GPATCH2: variants seen among roughly 807,000 people sequenced by gnomAD.
The protein encoded by GPATCH2 is G-patch domain containing 2.
Under a neutral mutation model 58.0 loss-of-function variants are expected in GPATCH2, and 51 were observed. That is an observed-to-expected ratio of 0.88 (90% CI 0.70 to 1.11). GPATCH2 has a LOEUF of 1.11. GPATCH2 is among the 50% of genes most tolerant of loss of function. GPATCH2 has a pLI of 0.00. For missense variants in GPATCH2, 625 were observed against 652.2 expected (o/e 0.96, Z 0.45); for synonymous variants, 222 against 218.5 (o/e 1.02, Z -0.14).
chr1:217,495,138 C>A (rs1467516105), intron 7 of GPATCH2: 2 of 297,108 alleles, frequency 6.7e-6, no homozygotes, highest in Non-Finnish European at 1.0e-5. Flanking sequence ...AAGTAAAAAA[C>A]CTAGGTACAA....
intron 5 of GPATCH2, among the ~76,000 whole-genome samples, chr1:217,515,533 C>T (rs1235981240): frequency 6.6e-6 from 1 of 151,956 alleles, no homozygotes; most frequent in Non-Finnish European, 1.5e-5. Context: ...CACGGTGAAA[C>T]CCCATCTCTA....
intron 1 of GPATCH2, among the ~76,000 whole-genome samples, chr1:217,627,440 G>A (rs1286474477): frequency 1.3e-5 from 2 of 151,656 alleles, no homozygotes; most frequent in African/African-American, 4.8e-5. Flanking sequence ...AGACTCTATG[G>A]AGCTAAAAAA....
intron 5 of GPATCH2, among the ~76,000 whole-genome samples, chr1:217,571,703 CAA>C (rs11463536): frequency 1.1e-4 from 8 of 73,804 alleles, no homozygotes; most frequent in Admixed American, 1.8e-4. Flanking sequence ...AAAACGAAAC[CAA>C]AAAAAAAAAA....
chr1:217,530,355 T>A (rs998771327), intron 5 of GPATCH2, among the ~76,000 whole-genome samples: 1 of 152,238 alleles, frequency 6.6e-6, no homozygotes, highest in Non-Finnish European at 1.5e-5. Context: ...TAATAGTACC[T>A]ATTTCATTGC....
At chr1:217,433,384 ATTTATTTATTTATTTATT>A (rs1658647177) in intron 9 of GPATCH2, among the ~76,000 whole-genome samples, 1 of 30,328 alleles carries the variant, frequency 3.3e-5, no homozygotes, top group African/African-American at 9.8e-5. Context: ...ATATATATAT[ATTTATTTATTTATTTATT>A]TATTTATTTA....
chr1:217,604,791 C>T (rs1211467368), intron 5 of GPATCH2, among the ~76,000 whole-genome samples: 2 of 151,778 alleles, frequency 1.3e-5, no homozygotes, highest in African/African-American at 4.8e-5. Context: ...TTTGGGAGGC[C>T]GAGGCCAGTG....
intron 8 of GPATCH2, among the ~76,000 whole-genome samples, chr1:217,477,216 T>A (rs1450748615): frequency 6.6e-6 from 1 of 151,948 alleles, no homozygotes. Flanking sequence ...TTGGGCCCTG[T>A]ATAACAAGCA....
In GPATCH2 at chr1:217,466,231, T is replaced by C. The variant is rs571673747; in HGVS notation, c.1278-16894A>G. The stretch of plus-strand genomic sequence containing the variant: ...TTTGTGGTAATCATTAAAAATATAT[T>C]TACGTATAGAACTAAAACTGAATGG... On this transcript the variant is annotated intron_variant, in intron 8 of 9. Transcript: ENST00000366935. Among the ~76,000 whole-genome samples the C allele has an allele frequency of 5.9e-5, 9 of 151,994 alleles. No individual in the cohort carries two copies. The East Asian group carries it at 1.7e-3, about 29-fold the overall frequency.
rs577359459 is a variant in GPATCH2, at chr1:217,515,437, C to T, written c.1099-548G>A. On this transcript the variant is annotated intron_variant, in intron 5 of 9. Transcript: ENST00000366935. The stretch of plus-strand genomic sequence containing the variant: ...AAGACTATTTTAAAAGAATCTTGGC[C>T]GGGCACAGTGGCTTACGCCTGTAAT... Among the ~76,000 whole-genome samples, 9 of 152,168 alleles carry T rather than the reference C, an allele frequency of 5.9e-5. No homozygotes were observed. The South Asian group carries it at 1.7e-3, about 28-fold the overall frequency.
At chr1:217,618,963 G>GAAA (rs139260019) in intron 2 of GPATCH2, among the ~76,000 whole-genome samples, 1 of 138,082 alleles carries the variant, frequency 7.2e-6, no homozygotes. Context: ...TCTCTATCTC[G>GAAA]AAAAAAAAAA....
At chr1:217,439,590 T>G (rs1026896456) in intron 9 of GPATCH2, among the ~76,000 whole-genome samples, 1 of 152,118 alleles carries the variant, frequency 6.6e-6, no homozygotes, top group Non-Finnish European at 1.5e-5. Flanking sequence ...GCTGGTTGTT[T>G]GAAAACATTA....
At chr1:217,592,146 T>C (rs1160266265) in intron 5 of GPATCH2, among the ~76,000 whole-genome samples, 1 of 152,032 alleles carries the variant, frequency 6.6e-6, no homozygotes, top group Non-Finnish European at 1.5e-5. Flanking sequence ...TAATTAATTC[T>C]ACTCCGTCTA....
At chr1:217,628,772 A>G (rs1669583908) in intron 1 of GPATCH2, among the ~76,000 whole-genome samples, 1 of 152,016 alleles carries the variant, frequency 6.6e-6, no homozygotes, top group Non-Finnish European at 1.5e-5. Context: ...AGCAACGTCC[A>G]CACTGGAGAA....
chr1:217,484,644 TATATACACAC>T (rs1189806776), intron 8 of GPATCH2, among the ~76,000 whole-genome samples: 1 of 149,178 alleles, frequency 6.7e-6, no homozygotes, highest in African/African-American at 2.4e-5. Flanking sequence ...CGTGTATACA[TATATACACAC>T]ATATACTTAT....
intron 5 of GPATCH2, among the ~76,000 whole-genome samples, chr1:217,602,068 C>G (rs894379577): frequency 6.6e-6 from 1 of 152,100 alleles, no homozygotes; most frequent in Non-Finnish European, 1.5e-5. Flanking sequence ...TGGATCTTAG[C>G]CTCCTGATAT....
chr1:217,566,147 A>T (rs1173161947), intron 5 of GPATCH2, among the ~76,000 whole-genome samples: 1 of 149,506 alleles, frequency 6.7e-6, no homozygotes, highest in Non-Finnish European at 1.5e-5. Context: ...ATAAAATAAG[A>T]TGAAAAAGCA....
At chr1:217,509,453 T>C (rs1042455055) in intron 6 of GPATCH2, among the ~76,000 whole-genome samples, 13 of 152,132 alleles carry the variant, frequency 8.5e-5, no homozygotes, top group African/African-American at 2.9e-4. Flanking sequence ...AATCCCATCA[T>C]CCAGTGATGA....
Position 217,616,712 on chromosome 1 carries a change from A to G in GPATCH2, c.774-2510T>C, listed in dbSNP as rs537160118. On this transcript the variant is annotated intron_variant, in intron 2 of 9. Transcript: ENST00000366935. ...GACAGTCATTACGGCTTATCTCCAA[A>G]GACACCCTTTCCTTGGAGATTCACC... 3.2e-4 allele frequency among the ~76,000 whole-genome samples: 48 copies of G among 152,288 alleles called. 1 individual carries two copies. Among genetic ancestry groups the G allele is most frequent in the African/African-American group, 9.9e-4 (41 of 41,574 alleles).
chr1:217,564,883 C>T (rs1666135693), intron 5 of GPATCH2, among the ~76,000 whole-genome samples: 1 of 152,028 alleles, frequency 6.6e-6, no homozygotes. Context: ...ATATCATAGT[C>T]TAAAAAAAAT....
Sources: gnomAD v4.1 joint callset for allele counts (sites outside exome capture counted in the v4.1 genomes callset) on GRCh38, gnomAD v4.1.1 for gene constraint, MANE v1.5 for transcripts, NCBI Gene and HGNC (gene_info 2026-07-23, HGNC 2026-07-21) for gene names.